ABCB5: variants seen among roughly 807,000 people sequenced by gnomAD.
The protein encoded by ABCB5 is ATP binding cassette subfamily B member 5.
Under a neutral mutation model 144.2 loss-of-function variants are expected in ABCB5, and 155 were observed. That is an observed-to-expected ratio of 1.08 (90% confidence interval 0.94 to 1.23). The LOEUF (loss-of-function observed/expected upper bound fraction) is 1.23. ABCB5 is among the 50% of genes most tolerant of loss of function. The pLI, the probability that ABCB5 is intolerant of heterozygous loss-of-function variation, is 0.00. For missense variants in ABCB5, 1,830 were observed against 1,520.8 expected (o/e 1.20, Z -3.38); for synonymous variants, 610 against 528.6 (o/e 1.15, Z -2.11).
At chr7:20,681,788 G>T (rs1228636542) in intron 15 of ABCB5, 122 bp downstream of exon 15, 12 of 1,104,592 alleles carry the variant, frequency 1.1e-5, no homozygotes, top group Admixed American at 1.0e-4. Context: ...AAGGTTTATA[G>T]TTCCTCAGTA....
At position 20,756,414 on chromosome 7, in the gene ABCB5, G is replaced by C. The variant is rs921920034; in HGVS notation, c.*790G>C. ...TCCCAGAACTTTGGGAGGCCGAGGA[G>C]GGCGGATCACTTGAGGTCAGGAGTT... On this transcript the variant is annotated 3_prime_UTR_variant, in exon 28 of 28. Coordinates refer to ENST00000404938, the MANE Select transcript of ABCB5 (RefSeq NM_001163941.2). The C allele has an allele frequency of 6.6e-6, 1 of 152,338 alleles. No homozygotes were observed. The highest frequency in any genetic ancestry group is 1.5e-5 in the Non-Finnish European group (1 of 68,060). 9.4% of individuals were successfully genotyped at this position (152,338 alleles called of 1,614,324 possible).
In ABCB5 at chr7:20,726,497, G is replaced by C. The variant is rs915205983; in HGVS notation, c.2626-543G>C. On this transcript the variant is annotated intron_variant, in intron 21 of 27. Transcript: ENST00000404938. ...TTCTCGTGCCTTAGCTTCCTGAGTA[G>C]CTGGGATTACAGACATGTGCCACCA... Among the ~76,000 whole-genome samples, 4 of 150,972 alleles carry C rather than the reference G, an allele frequency of 2.6e-5. No homozygotes were observed. In the Admixed American group the frequency reaches 2.7e-4, roughly 10 times the overall value.
intron 5 of ABCB5, among the ~76,000 whole-genome samples, chr7:20,641,195 C>T (rs1053412487): frequency 6.6e-6 from 1 of 152,158 alleles, no homozygotes; most frequent in Admixed American, 6.6e-5. Context: ...TTGTCCCAGT[C>T]TCTCACATCT....
rs1242291728 is a variant in ABCB5 at position 20,710,381 on chromosome 7, A to AAGG, written c.2421+5574_2421+5575insAGG. Among the ~76,000 whole-genome samples the AAGG allele has an allele frequency of 4.2e-4, 24 of 56,744 alleles. 2 individuals are homozygous for AAGG. Among genetic ancestry groups the AAGG allele is most frequent in the East Asian group, 4.0e-3 (5 of 1,258 alleles). The allele number at this position is 56,744 out of a possible 152,430, so 37.2% of individuals were successfully genotyped here. On this transcript the variant is annotated intron_variant, in intron 20 of 27. Transcript: ENST00000404938. ...AAACTCCACCTCAAAAAAAAAAAAA[A>AAGG]GTGGGGGGGGGGCATGACTGTGTTT...
At chr7:20,682,290 G>A (rs1785856332) in intron 15 of ABCB5, among the ~76,000 whole-genome samples, 1 of 152,146 alleles carries the variant, frequency 6.6e-6, no homozygotes, top group Non-Finnish European at 1.5e-5. Context: ...ATAACACACA[G>A]TCTTTACTTA....
rs529976928 is a variant in ABCB5, at chr7:20,666,689, T to G, written c.1707+8013T>G. On this transcript the variant is annotated intron_variant, in intron 14 of 27. Transcript: ENST00000404938. ...TGGTCAAATACCTAATTGTTTGGCT[T>G]TTAGCTTTGTGTAATCTGTGAAGTA... 1.8e-4 allele frequency: 282 copies of G among 1,545,360 alleles called. 1 individual carries two copies. The South Asian group carries it at 2.2e-3, about 12-fold the overall frequency.
chr7:20,731,565 C>T (rs1272863559), intron 23 of ABCB5, among the ~76,000 whole-genome samples: 1 of 151,930 alleles, frequency 6.6e-6, no homozygotes, highest in Non-Finnish European at 1.5e-5. Context: ...TGACCCTGCC[C>T]TGAGCACAAG....
chr7:20,737,243 G>T (rs1254698301), intron 23 of ABCB5, among the ~76,000 whole-genome samples: 2 of 151,612 alleles, frequency 1.3e-5, no homozygotes, highest in Non-Finnish European at 2.9e-5. Flanking sequence ...TCCCCTCCAG[G>T]GTCTTCAACA....
intron 4 of ABCB5, among the ~76,000 whole-genome samples, chr7:20,630,888 T>C (rs1784023252): frequency 6.6e-6 from 1 of 152,222 alleles, no homozygotes. Flanking sequence ...GTTTCCTGGT[T>C]TTATTGAATG....
chr7:20,681,058 C>CTTTCTT (rs1215587418), intron 14 of ABCB5, among the ~76,000 whole-genome samples: 74 of 47,532 alleles, frequency 1.6e-3, no homozygotes, highest in Non-Finnish European at 2.2e-3. Context: ...CTCTCTCTCT[C>CTTTCTT]TCTTTCTTTC....
chr7:20,692,036 T>C (rs1786247764), intron 16 of ABCB5, among the ~76,000 whole-genome samples: 1 of 152,178 alleles, frequency 6.6e-6, no homozygotes, highest in South Asian at 2.1e-4. Context: ...CTATATTCCG[T>C]ATGTACATAT....
intron 14 of ABCB5, among the ~76,000 whole-genome samples, chr7:20,666,222 A>C (rs545202731): frequency 2.0e-5 from 3 of 152,168 alleles, no homozygotes; most frequent in South Asian, 2.1e-4. Flanking sequence ...CATGGAGTAC[A>C]TGTCACCGAT....
In ABCB5 at chr7:20,743,200, A is replaced by T. The variant is rs112040103; in HGVS notation, c.3222+126A>T. On this transcript the variant is annotated intron_variant, in intron 25 of 27. Coordinates refer to ENST00000404938, the MANE Select transcript of ABCB5 (RefSeq NM_001163941.2). ...AATGCAGAAGTTAAAAAGAAAAAAA[A>T]TCTCTGTGTCAACCCTTAACTAAGA... 425 of 1,004,012 alleles carry T rather than the reference A, an allele frequency of 4.2e-4. 6 individuals carry two copies. The African/African-American group carries it at 6.1e-3, about 14-fold the overall frequency. The allele number at this position is 1,004,012 out of a possible 1,614,324, so 62.2% of individuals were successfully genotyped here. A position where few individuals can be genotyped will look rare whatever the true frequency, so the allele number is the denominator to read the frequency against.
Position 20,676,688 on chromosome 7 carries a change from T to C in ABCB5, c.1708-4817T>C, listed in dbSNP as rs566315115. Among the ~76,000 whole-genome samples, 25 of 152,308 alleles carry C rather than the reference T, an allele frequency of 1.6e-4. 1 individual carries two copies. The South Asian group carries it at 3.5e-3, about 21-fold the overall frequency. On this transcript the variant is annotated intron_variant, in intron 14 of 27. Transcript: ENST00000404938. ...CATTAACACTACAACATTGTGCCTA[T>C]AGTTGGCAATATTGTATTGTATTGT...
intron 5 of ABCB5, among the ~76,000 whole-genome samples, chr7:20,640,214 G>A (rs1228918286): frequency 1.3e-5 from 2 of 152,108 alleles, no homozygotes; most frequent in Non-Finnish European, 2.9e-5. Flanking sequence ...GATAGTTAAT[G>A]TTCTATTAAA....
At position 20,663,584 on chromosome 7, in the gene ABCB5, G is replaced by T. The variant is rs187121085; in HGVS notation, c.1707+4908G>T. Among the ~76,000 whole-genome samples the T allele has an allele frequency of 2.6e-5, 4 of 152,266 alleles. No individual in the cohort carries two copies. The East Asian group carries it at 7.7e-4, about 29-fold the overall frequency. On this transcript the variant is annotated intron_variant, in intron 14 of 27. Coordinates refer to ENST00000404938, the MANE Select transcript of ABCB5 (RefSeq NM_001163941.2). Reference sequence around the variant, plus strand: ...AAGAGCGGTTACTAGGGGCTTGGGGGATGGGAAAGCGGGGAGTTAGTGTTT... The same window carrying T: ...AAGAGCGGTTACTAGGGGCTTGGGGTATGGGAAAGCGGGGAGTTAGTGTTT...
At chr7:20,751,436 A>C (rs1046257466) in intron 26 of ABCB5, among the ~76,000 whole-genome samples, 1 of 152,126 alleles carries the variant, frequency 6.6e-6, no homozygotes, top group African/African-American at 2.4e-5. Context: ...GCGTCACTGC[A>C]CTCCAGCCTG....
At chr7:20,647,291 G>A in intron 9 of ABCB5, 4 of 1,245,230 alleles carry the variant, frequency 3.2e-6, no homozygotes, top group Non-Finnish European at 4.0e-6. Context: ...ATAATCAAAA[G>A]TTGTTCCTTA....
At chr7:20,689,051 G>A (rs1039101379) in intron 16 of ABCB5, among the ~76,000 whole-genome samples, 3 of 151,996 alleles carry the variant, frequency 2.0e-5, no homozygotes, top group Admixed American at 6.6e-5. Flanking sequence ...CACCAACATG[G>A]CACATGTATA....
Sources: gnomAD v4.1 joint callset for allele counts (sites outside exome capture counted in the v4.1 genomes callset) on GRCh38, gnomAD v4.1.1 for gene constraint, MANE v1.5 for transcripts, NCBI Gene and HGNC (gene_info 2026-07-23, HGNC 2026-07-21) for gene names.